The following CADPS2 variants were observed in gnomAD, a reference collection of about 807,000 sequenced individuals.
CADPS2 encodes calcium-dependent secretion activator 2.
A neutral mutation model predicts 172.5 loss-of-function variants in CADPS2; 93 were observed. The observed-to-expected ratio is 0.54, with a 90% CI of 0.46 to 0.64. The LOEUF (loss-of-function observed/expected upper bound fraction) is 0.64. Ranked by LOEUF, CADPS2 falls within the 30% of genes least tolerant of loss-of-function variation. CADPS2 has a pLI of 0.00. For synonymous variants in CADPS2, 546 were observed against 555.2 expected (o/e 0.98, Z 0.23); for missense variants, 1,420 against 1,565.9 (o/e 0.91, Z 1.57).
intron 6 of CADPS2, among the ~76,000 whole-genome samples, chr7:122,603,285 G>C (rs1051096470): frequency 3.4e-5 from 5 of 148,720 alleles, no homozygotes; most frequent in Non-Finnish European, 7.4e-5. Context: ...ATCTCAGAAG[G>C]GACTTGGGAA....
At chr7:122,711,756 G>A (rs561693305) in intron 2 of CADPS2, among the ~76,000 whole-genome samples, 4 of 152,042 alleles carry the variant, frequency 2.6e-5, no homozygotes, top group Admixed American at 6.6e-5. Context: ...GGGTTCAAGC[G>A]ATTCTCCTGC....
intron 1 of CADPS2, among the ~76,000 whole-genome samples, chr7:122,824,654 T>C (rs1263814896): frequency 1.3e-5 from 2 of 152,250 alleles, no homozygotes; most frequent in Non-Finnish European, 2.9e-5. Context: ...ATAGGCTGCA[T>C]GTTTTTTCCA....
chr7:122,424,981 TA>T (rs1252761595), intron 17 of CADPS2, among the ~76,000 whole-genome samples: 1 of 151,950 alleles, frequency 6.6e-6, no homozygotes, highest in African/African-American at 2.4e-5. Context: ...TAGCTTTTTT[TA>T]AAAAAATTAT....
chr7:122,497,168 T>C (rs1394610309), intron 9 of CADPS2, among the ~76,000 whole-genome samples: 1 of 152,118 alleles, frequency 6.6e-6, no homozygotes, highest in African/African-American at 2.4e-5. Flanking sequence ...AGTATGCATC[T>C]GGTAAATTTA....
rs11765300 is a variant in CADPS2, at chr7:122,649,049, C to G, written c.786+14188G>C. Among the ~76,000 whole-genome samples the G allele has an allele frequency of 6.2e-3, 938 of 151,886 alleles. 2 individuals are homozygous for G. The highest frequency in any genetic ancestry group is 0.01 in the Middle Eastern group (3 of 294). On this transcript the variant is annotated intron_variant, in intron 3 of 29. Coordinates refer to ENST00000449022, the MANE Select transcript of CADPS2 (RefSeq NM_017954.11). ...AGACCCTCAATTTGTTCCAGTCATT[C>G]CTTTGCTTATACCCCAACAGTGTTC...
chr7:122,828,507 T>A (rs1805592985), intron 1 of CADPS2, among the ~76,000 whole-genome samples: 1 of 152,178 alleles, frequency 6.6e-6, no homozygotes, highest in African/African-American at 2.4e-5. Flanking sequence ...TTCATCACTT[T>A]AAAATATCAT....
chr7:122,499,932 A>G (rs1389279701), intron 9 of CADPS2, among the ~76,000 whole-genome samples: 1 of 152,156 alleles, frequency 6.6e-6, no homozygotes, highest in African/African-American at 2.4e-5. Context: ...CACATGAACA[A>G]TCTGGAACCT....
At chr7:122,323,796 T>C (rs1585004057) in intron 29 of CADPS2, among the ~76,000 whole-genome samples, 1 of 150,390 alleles carries the variant, frequency 6.6e-6, no homozygotes, top group Non-Finnish European at 1.5e-5. Flanking sequence ...AAACAGCTAA[T>C]TGTAATATTA....
chr7:122,341,077 T>C (rs1447269271), intron 28 of CADPS2, among the ~76,000 whole-genome samples: 2 of 152,186 alleles, frequency 1.3e-5, no homozygotes, highest in Non-Finnish European at 2.9e-5. Context: ...ATATCCTCTG[T>C]TTAAAACATC....
At chr7:122,845,917 G>C (rs549328328) in intron 1 of CADPS2, among the ~76,000 whole-genome samples, 39 of 152,098 alleles carry the variant, frequency 2.6e-4, no homozygotes, top group African/African-American at 8.7e-4. Context: ...ACAAAATAGC[G>C]TTATGATTGC....
chr7:122,844,071 C>T (rs998409188), intron 1 of CADPS2, among the ~76,000 whole-genome samples: 1 of 152,236 alleles, frequency 6.6e-6, no homozygotes, highest in African/African-American at 2.4e-5. Context: ...GGACCAAACA[C>T]AAGCCCCAGC....
intron 1 of CADPS2, among the ~76,000 whole-genome samples, chr7:122,779,654 TC>T (rs561785334): frequency 2.6e-5 from 4 of 152,062 alleles, no homozygotes; most frequent in Non-Finnish European, 5.9e-5. Flanking sequence ...AAACTTTGTT[TC>T]CCCCCTTTCT....
At chr7:122,594,026 T>C (rs2071335334) in intron 6 of CADPS2, among the ~76,000 whole-genome samples, 1 of 152,060 alleles carries the variant, frequency 6.6e-6, no homozygotes, top group Non-Finnish European at 1.5e-5. Context: ...AACTAGACAA[T>C]ACCTTTTAAA....
intron 25 of CADPS2, among the ~76,000 whole-genome samples, chr7:122,375,601 A>G (rs767809107): frequency 3.3e-5 from 5 of 152,116 alleles, no homozygotes; most frequent in African/African-American, 9.6e-5. Flanking sequence ...AAAACCATCA[A>G]CTAAACACCA....
At chr7:122,348,872 C>T (rs927728822) in intron 27 of CADPS2, among the ~76,000 whole-genome samples, 2 of 151,998 alleles carry the variant, frequency 1.3e-5, no homozygotes, top group African/African-American at 4.8e-5. Flanking sequence ...TGTAATTTTC[C>T]TTTTAAACAG....
At chr7:122,364,709 AGAGT>A (rs2151179318) in intron 25 of CADPS2, among the ~76,000 whole-genome samples, 1 of 145,976 alleles carries the variant, frequency 6.9e-6, no homozygotes, top group East Asian at 2.0e-4. Flanking sequence ...CCTGGGCAAC[AGAGT>A]GAGACTCCAT....
chr7:122,554,430 C>T (rs750917170), intron 8 of CADPS2, 120 bp downstream of exon 8: 51 of 998,900 alleles, frequency 5.1e-5, no homozygotes, highest in Non-Finnish European at 7.1e-5. Context: ...ACGTATGTCA[C>T]TTTTTGAGAA....
chr7:122,726,578 A>G (rs1369553834), intron 2 of CADPS2, among the ~76,000 whole-genome samples: 1 of 152,024 alleles, frequency 6.6e-6, no homozygotes, highest in Non-Finnish European at 1.5e-5. Context: ...AAAAAGAACT[A>G]TTGAGTAAAT....
intron 4 of CADPS2, among the ~76,000 whole-genome samples, chr7:122,625,080 C>T (rs1372526321): frequency 6.6e-6 from 1 of 151,094 alleles, no homozygotes; most frequent in African/African-American, 2.4e-5. Flanking sequence ...GACAGAGTTT[C>T]GCTCTTGTTG....
Sources: gnomAD v4.1 joint callset for allele counts (sites outside exome capture counted in the v4.1 genomes callset) on GRCh38, gnomAD v4.1.1 for gene constraint, MANE v1.5 for transcripts, NCBI Gene and HGNC (gene_info 2026-07-23, HGNC 2026-07-21) for gene names.